Variants in ZBTB7C observed in about 807,000 individuals in gnomAD.
ZBTB7C encodes the protein zinc finger and BTB domain-containing protein 7C.
In ZBTB7C, 8 loss-of-function variants were observed where a neutral mutation model predicts 25.7. That is an observed-to-expected ratio of 0.31 (90% CI 0.18 to 0.56). ZBTB7C has a LOEUF of 0.56. Among genes scored for constraint, ZBTB7C ranks in the 20% least tolerant of loss-of-function variants. ZBTB7C has a pLI of 0.91. For synonymous variants in ZBTB7C, 394 were observed against 369.0 expected (o/e 1.07, Z -0.78); for missense variants, 824 against 855.2 (o/e 0.96, Z 0.46).
intron 3 of ZBTB7C, among the ~76,000 whole-genome samples, chr18:48,145,342 C>T (rs1330454637): frequency 6.6e-6 from 1 of 152,130 alleles, no homozygotes; most frequent in African/African-American, 2.4e-5. Context: ...CCTTCAGCTC[C>T]CTGGACCCTT....
chr18:48,348,694 A>G (rs2046795930), intron 1 of ZBTB7C, among the ~76,000 whole-genome samples: 1 of 152,226 alleles, frequency 6.6e-6, no homozygotes. Context: ...GCACATGCCT[A>G]TAATCCCCGC....
At chr18:48,235,309 C>T (rs145365014) in intron 2 of ZBTB7C, among the ~76,000 whole-genome samples, 1 of 152,194 alleles carries the variant, frequency 6.6e-6, no homozygotes, top group African/African-American at 2.4e-5. Flanking sequence ...AGAAATTACA[C>T]ACTCCATTTC....
chr18:48,168,799 T>C (rs1452607874), intron 3 of ZBTB7C, among the ~76,000 whole-genome samples: 3 of 152,232 alleles, frequency 2.0e-5, no homozygotes, highest in African/African-American at 7.2e-5. Context: ...TGGTCTTCTG[T>C]CTCTTGAATC....
chr18:48,209,129 G>A (rs908155285), intron 2 of ZBTB7C, among the ~76,000 whole-genome samples: 12 of 152,192 alleles, frequency 7.9e-5, no homozygotes. Context: ...CAGAAAAGGG[G>A]TCTCAGCTAA....
In ZBTB7C at chr18:48,030,035, T is replaced by C. The variant is rs138895319; in HGVS notation, c.1209-124A>G. The C allele has an allele frequency of 3.2e-4, 404 of 1,276,636 alleles. 2 individuals are homozygous for C. In the African/African-American group the frequency reaches 4.6e-3, roughly 15 times the overall value. The allele number at this position is 1,276,636 out of a possible 1,614,324, so 79.1% of individuals were successfully genotyped here. A position where few individuals can be genotyped will look rare whatever the true frequency, so the allele number is the denominator to read the frequency against. On this transcript the variant is annotated intron_variant, in intron 4 of 4. Transcript: ENST00000590800. ...CTGCCATGGAGTCAAACCCCAGAAA[T>C]AGGTCTCATGCTAGATCTACCCTCA... is the stretch of plus-strand genomic sequence containing the variant.
intron 3 of ZBTB7C, among the ~76,000 whole-genome samples, chr18:48,175,315 AT>A (rs1030729435): frequency 8.5e-5 from 13 of 152,234 alleles, no homozygotes; most frequent in Non-Finnish European, 1.5e-4. Context: ...TTCTGAGAGT[AT>A]TTTTAGATGT....
At chr18:48,370,280 T>A (rs778576906) in intron 1 of ZBTB7C, among the ~76,000 whole-genome samples, 13 of 152,088 alleles carry the variant, frequency 8.5e-5, no homozygotes, top group Non-Finnish European at 1.8e-4. Flanking sequence ...CCCAGACGAA[T>A]CTTCAGGGAA....
At chr18:48,261,016 C>A (rs1389864067) in intron 2 of ZBTB7C, among the ~76,000 whole-genome samples, 1 of 152,182 alleles carries the variant, frequency 6.6e-6, no homozygotes, top group Non-Finnish European at 1.5e-5. Context: ...TGAATTAAAA[C>A]CCACTTAAAT....
chr18:48,112,711 A>G (rs1008992083), intron 3 of ZBTB7C, among the ~76,000 whole-genome samples: 2 of 152,186 alleles, frequency 1.3e-5, no homozygotes, highest in Non-Finnish European at 2.9e-5. Context: ...GATGGTTGAG[A>G]AAAAATGGTT....
intron 3 of ZBTB7C, chr18:48,083,746 A>C: frequency 1.2e-6 from 1 of 819,570 alleles, no homozygotes; most frequent in Non-Finnish European, 1.5e-6. Flanking sequence ...AAATTAAAGA[A>C]GTTCCCCTGA....
At chr18:48,400,536 G>C (rs1047818398) in intron 1 of ZBTB7C, among the ~76,000 whole-genome samples, 1 of 152,128 alleles carries the variant, frequency 6.6e-6, no homozygotes, top group Non-Finnish European at 1.5e-5. Flanking sequence ...TCCCCACCTA[G>C]AGGCCCTGCT....
At chr18:48,180,098 CT>C (rs1217707208) in intron 3 of ZBTB7C, among the ~76,000 whole-genome samples, 2 of 109,096 alleles carry the variant, frequency 1.8e-5, no homozygotes, top group South Asian at 3.2e-4. Flanking sequence ...CCCTTCCTTC[CT>C]TTCCTTCCTT....
At chr18:48,238,603 CA>C (rs1464775509) in intron 2 of ZBTB7C, among the ~76,000 whole-genome samples, 7 of 152,304 alleles carry the variant, frequency 4.6e-5, no homozygotes, top group African/African-American at 1.7e-4. Context: ...AAAGTAGAAG[CA>C]GCAAAAAGAT....
At chr18:48,070,821 T>A (rs1303702053) in intron 3 of ZBTB7C, among the ~76,000 whole-genome samples, 5 of 152,178 alleles carry the variant, frequency 3.3e-5, no homozygotes, top group Non-Finnish European at 7.4e-5. Flanking sequence ...ATGTTTCTGC[T>A]CTGATCCTTT....
At chr18:48,362,922 T>C (rs2047142804) in intron 1 of ZBTB7C, among the ~76,000 whole-genome samples, 1 of 152,148 alleles carries the variant, frequency 6.6e-6, no homozygotes, top group Admixed American at 6.5e-5. Context: ...CCGCTGCACC[T>C]GAGGGCCCAC....
intron 1 of ZBTB7C, among the ~76,000 whole-genome samples, chr18:48,386,637 C>T (rs2047755049): frequency 6.6e-6 from 1 of 152,174 alleles, no homozygotes; most frequent in African/African-American, 2.4e-5. Context: ...GCCATGTATA[C>T]AGATGTGCTG....
At chr18:48,319,904 TAC>T (rs2046049191) in intron 2 of ZBTB7C, among the ~76,000 whole-genome samples, 1 of 151,902 alleles carries the variant, frequency 6.6e-6, no homozygotes, top group African/African-American at 2.4e-5. Flanking sequence ...CAGAAACAAA[TAC>T]ACAGAGTGAC....
At chr18:48,063,512 A>C (rs958262100) in intron 3 of ZBTB7C, among the ~76,000 whole-genome samples, 1 of 152,256 alleles carries the variant, frequency 6.6e-6, no homozygotes. Context: ...GAAGAAAGGC[A>C]GGAGGGGAAG....
chr18:48,109,615 C>G (rs531867989), intron 3 of ZBTB7C, among the ~76,000 whole-genome samples: 2 of 152,014 alleles, frequency 1.3e-5, no homozygotes, highest in Admixed American at 1.3e-4. Flanking sequence ...AACAACCACA[C>G]ACACACAAAA....
Sources: allele counts gnomAD v4.1 joint callset (sites outside exome capture counted in the v4.1 genomes callset), GRCh38; gene constraint gnomAD v4.1.1; transcripts MANE v1.5; gene names NCBI Gene and HGNC (gene_info 2026-07-23, HGNC 2026-07-21).